The following SLTM variants were observed in gnomAD, a reference collection of about 807,000 sequenced individuals.
SLTM encodes the protein SAFB-like transcription modulator.
In SLTM, 43 loss-of-function variants were observed where a neutral mutation model predicts 134.6. That is an observed-to-expected ratio of 0.32 (90% CI 0.25 to 0.41). The LOEUF (loss-of-function observed/expected upper bound fraction) is 0.41. Ranked by LOEUF, SLTM falls within the 10% of genes least tolerant of loss-of-function variation. The pLI, the probability that SLTM is intolerant of heterozygous loss-of-function variation, is 1.00. For synonymous variants in SLTM, 424 were observed against 432.3 expected, an observed-to-expected ratio of 0.98 and a Z score of 0.24; for missense variants, 1,055 against 1,288.8, an observed-to-expected ratio of 0.82 and a Z score of 2.78.
intron 5 of SLTM, among the ~76,000 whole-genome samples, chr15:58,904,263 G>A (rs528295109): frequency 8.4e-4 from 128 of 151,944 alleles, no homozygotes; most frequent in African/African-American, 2.8e-3. Flanking sequence ...TACCTGCCTC[G>A]GCCTCCCAAA....
In SLTM at chr15:58,916,984, G is replaced by A. The variant is rs2036695219; in HGVS notation, c.266C>T (p.Ala89Val). 6.2e-7 allele frequency: 1 copy of A among 1,613,618 alleles called. No individual in the cohort carries two copies. The highest frequency in any genetic ancestry group is 8.5e-7 in the Non-Finnish European group (1 of 1,179,754). Residue 89 changes from alanine (A) to valine (V), a missense_variant, in exon 3 of 21, where the codon GCA becomes GTA. Ala to Val is a moderately conservative substitution (Grantham distance 64). Coordinates refer to ENST00000380516, the MANE Select transcript of SLTM (RefSeq NM_024755.4). The stretch of plus-strand genomic sequence containing the variant: ...AGAAGCATCTCCACTCAACTCATCT[G>A]CTTCATGTTTTTTACCTGCGAAAGA... ...PTKGKGKKHE[A>V]DELSGDASVE... is the part of the protein sequence containing the mutation.
At chr15:58,929,363 G>T (rs575697816) in intron 2 of SLTM, among the ~76,000 whole-genome samples, 3 of 152,034 alleles carry the variant, frequency 2.0e-5, no homozygotes, top group African/African-American at 7.2e-5. Flanking sequence ...CAGGAGAATC[G>T]CTTGAAACCG....
At chr15:58,915,537 T>C (rs1199268516) in intron 3 of SLTM, among the ~76,000 whole-genome samples, 1 of 152,098 alleles carries the variant, frequency 6.6e-6, no homozygotes, top group Non-Finnish European at 1.5e-5. Context: ...ACAAACCTGA[T>C]GGAAGATATA....
At chr15:58,906,616 C>T (rs1343161157) in intron 5 of SLTM, among the ~76,000 whole-genome samples, 2 of 152,228 alleles carry the variant, frequency 1.3e-5, no homozygotes, top group Admixed American at 6.5e-5. Flanking sequence ...CTCCTTTCCC[C>T]TGGCTTGAAA....
chr15:58,920,632 A>AATAAATAC (rs1357495517), intron 2 of SLTM, among the ~76,000 whole-genome samples: 1 of 94,102 alleles, frequency 1.1e-5, no homozygotes, highest in African/African-American at 3.4e-5. Flanking sequence ...CAAAATAATA[A>AATAAATAC]ATAAATAAAT....
At position 58,898,847 on chromosome 15, in the gene SLTM, G is replaced by A; in HGVS notation, c.1064C>T (p.Ser355Leu). ...TGTCTTGCTGTCTTTAGATTCCTTT[G>A]AAGAGCTAAAGAGGCAAATCACCAG... ...TGASGQAKSS[S>L]KESKDSKTSS... Residue 355 changes from serine (S) to leucine (L), a missense_variant, in exon 8 of 21, where the codon TCA becomes TTA. Ser to Leu is a moderately radical substitution (Grantham distance 145). Around this residue, in one of 3 missense-constraint regions of SLTM, gnomAD observed 776 missense variants for 962.2 expected, o/e 0.81. Coordinates refer to ENST00000380516, the MANE Select transcript of SLTM (RefSeq NM_024755.4). The A allele has an allele frequency of 6.2e-7, 1 of 1,608,090 alleles. No individual in the cohort carries two copies. Among genetic ancestry groups the A allele is most frequent in the Non-Finnish European group, 8.5e-7 (1 of 1,177,688 alleles).
chr15:58,908,730 A>G (rs1358705665), intron 5 of SLTM, among the ~76,000 whole-genome samples: 2 of 152,192 alleles, frequency 1.3e-5, no homozygotes, highest in African/African-American at 4.8e-5. Context: ...ATCAACCTAG[A>G]TATGTATCAG....
intron 9 of SLTM, 89 bp from the exon 10 acceptor site, chr15:58,894,671 A>G (rs1436172466): frequency 2.7e-5 from 33 of 1,207,330 alleles, no homozygotes; most frequent in Non-Finnish European, 3.5e-5. Context: ...CTGAAACTAT[A>G]TATTAATTCA....
chr15:58,918,020 C>T (rs1025369182), intron 2 of SLTM, among the ~76,000 whole-genome samples: 9 of 151,592 alleles, frequency 5.9e-5, no homozygotes, highest in Non-Finnish European at 1.2e-4. Flanking sequence ...TCCCAAAGTG[C>T]TAGGATTACA....
At chr15:58,924,414 G>A (rs763676115) in intron 2 of SLTM, among the ~76,000 whole-genome samples, 2 of 152,172 alleles carry the variant, frequency 1.3e-5, no homozygotes, top group African/African-American at 2.4e-5. Flanking sequence ...AACCCTCTGA[G>A]ATATGTTTCA....
intron 1 of SLTM, among the ~76,000 whole-genome samples, chr15:58,932,672 C>G (rs1198806777): frequency 2.6e-5 from 4 of 152,040 alleles, no homozygotes; most frequent in Non-Finnish European, 5.9e-5. Context: ...TAAATTCTAC[C>G]GTGTCAAGAT....
chr15:58,920,401 A>G (rs541820434), intron 2 of SLTM, among the ~76,000 whole-genome samples: 3 of 152,122 alleles, frequency 2.0e-5, no homozygotes, highest in East Asian at 3.9e-4. Flanking sequence ...AGGTAGGTGG[A>G]TCATCTGAGG....
At chr15:58,914,342 A>G (rs767262953) in intron 3 of SLTM, among the ~76,000 whole-genome samples, 14 of 152,228 alleles carry the variant, frequency 9.2e-5, no homozygotes, top group Non-Finnish European at 1.8e-4. Flanking sequence ...AGCAATAAAC[A>G]TTACTTCCTT....
chr15:58,887,653 G>C, intron 17 of SLTM, 113 bp from the exon 18 acceptor site: 1 of 1,472,054 alleles, frequency 6.8e-7, no homozygotes, highest in Non-Finnish European at 9.0e-7. Context: ...TGAACTTAAG[G>C]CAAAGCCATG....
chr15:58,930,085 T>C (rs2037759533), intron 2 of SLTM, among the ~76,000 whole-genome samples: 2 of 152,070 alleles, frequency 1.3e-5, no homozygotes, highest in Admixed American at 6.6e-5. Flanking sequence ...TCTCTTAGAA[T>C]GAGGCCTGCT....
chr15:58,886,235 G>C (rs1393078742), intron 19 of SLTM, among the ~76,000 whole-genome samples: 2 of 126,354 alleles, frequency 1.6e-5, no homozygotes, highest in African/African-American at 6.5e-5. Context: ...GTGTGTGTGT[G>C]TGTGTGTGTG....
rs1276691162 is a variant in SLTM at position 58,887,438 on chromosome 15, G to A, written c.2478C>T (p.Ser826=). Residue 826 remains serine, a synonymous_variant, in exon 18 of 21, where the codon TCC becomes TCT. Coordinates refer to ENST00000380516, the MANE Select transcript of SLTM (RefSeq NM_024755.4). ...TTGGTGGTGGAGGCTCATTTCTTCTGGAGTCACTGAAATTTTTGGGATATC... is the reference window on the plus strand; with the variant it reads ...TTGGTGGTGGAGGCTCATTTCTTCTAGAGTCACTGAAATTTTTGGGATATC... The part of the protein sequence containing the change: ...FERYPKNFSD[S]RRNEPPPPRN... The A allele has an allele frequency of 4.3e-6, 7 of 1,613,874 alleles. No individual in the cohort carries two copies. The African/African-American group carries it at 9.4e-5, about 22-fold the overall frequency.
Position 58,898,833 on chromosome 15 carries a change from C to A in SLTM, c.1078G>T (p.Asp360Tyr). 6.2e-7 allele frequency: 1 copy of A among 1,608,636 alleles called. No homozygotes were observed. The highest frequency in any genetic ancestry group is 1.1e-5 in the South Asian group (1 of 89,598). The change falls in exon 8 of 21, where the codon GAC (aspartate) becomes TAC (tyrosine). Residue 360 changes from aspartate (D) to tyrosine (Y), a missense_variant. Asp to Tyr is a radical substitution (Grantham distance 160, BLOSUM62 -3). Around this residue, in one of 3 missense-constraint regions of SLTM, gnomAD observed 776 missense variants for 962.2 expected, o/e 0.81. Transcript: ENST00000380516. Reference sequence around the variant, plus strand: ...TCATCTTTAGATGATGTCTTGCTGTCTTTAGATTCCTTTGAAGAGCTAAAG... The same window carrying A: ...TCATCTTTAGATGATGTCTTGCTGTATTTAGATTCCTTTGAAGAGCTAAAG... The part of the protein sequence containing the change: ...QAKSSSKESK[D>Y]SKTSSKDDKG...
intron 3 of SLTM, among the ~76,000 whole-genome samples, chr15:58,914,183 C>T (rs1450393826): frequency 1.6e-4 from 24 of 152,184 alleles, no homozygotes; most frequent in Admixed American, 1.6e-3. Flanking sequence ...TTGAAATCTA[C>T]CACTGTGCCA....
Sources: allele counts gnomAD v4.1 joint callset (sites outside exome capture counted in the v4.1 genomes callset), GRCh38; gene constraint gnomAD v4.1.1; regional missense constraint gnomAD v4.1.1; transcripts MANE v1.5; gene names NCBI Gene and HGNC (gene_info 2026-07-23, HGNC 2026-07-21).